Variants in RAD54L observed in about 807,000 individuals in gnomAD.
The protein encoded by RAD54L is DNA repair and recombination protein RAD54-like.
RAD54L carries 74 observed loss-of-function variants against 91.6 expected under a neutral mutation model. The ratio of observed to expected loss-of-function variants is 0.81; its 90% confidence interval spans 0.67 to 0.98. The LOEUF (loss-of-function observed/expected upper bound fraction) is 0.98, where lower values mean the gene tolerates loss of function less well. RAD54L is among the 50% of genes least tolerant of loss of function. The probability of loss-of-function intolerance (pLI) is 0.00; values close to 1 mark genes in which losing one functional copy is unlikely to be tolerated. For synonymous variants in RAD54L, 304 were observed against 349.7 expected (o/e 0.87, Z 1.46); for missense variants, 887 against 945.7 (o/e 0.94, Z 0.81).
intron 16 of RAD54L, chr1:46,277,495 A>C (rs913846427): frequency 2.1e-5 from 9 of 430,964 alleles, no homozygotes; most frequent in Admixed American, 3.6e-5. Context: ...TTATTGAATG[A>C]GTTAGAGTTG....
At chr1:46,264,193 C>G (rs1033620705) in intron 8 of RAD54L, among the ~76,000 whole-genome samples, 2 of 152,254 alleles carry the variant, frequency 1.3e-5, no homozygotes, top group Non-Finnish European at 2.9e-5. Context: ...TCTTATCACA[C>G]TGCAGCCCCT....
Position 46,262,721 on chromosome 1 carries a change from G to A in RAD54L, c.891+1336G>A, listed in dbSNP as rs554934239. On this transcript the variant is annotated intron_variant, in intron 8 of 17. Coordinates refer to ENST00000371975, the MANE Select transcript of RAD54L (RefSeq NM_003579.4). ...GAGGCCACCTGGGGAGAGGCATGGCGTTCTATCTGCAGCTATCTGTTTAGG... is the reference window on the plus strand; with the variant it reads ...GAGGCCACCTGGGGAGAGGCATGGCATTCTATCTGCAGCTATCTGTTTAGG... 1.6e-4 allele frequency among the ~76,000 whole-genome samples: 24 copies of A among 152,138 alleles called. No homozygotes were observed. In the South Asian group the frequency reaches 1.9e-3, roughly 12 times the overall value.
intron 12 of RAD54L, 140 bp from the exon 13 acceptor site, chr1:46,273,215 G>C: frequency 1.2e-6 from 1 of 800,828 alleles, no homozygotes; most frequent in East Asian, 2.4e-5. Context: ...TATCCTGTTG[G>C]AATTTGGTAG....
At chr1:46,264,964 C>G (rs2148292676) in intron 8 of RAD54L, among the ~76,000 whole-genome samples, 1 of 152,268 alleles carries the variant, frequency 6.6e-6, no homozygotes, top group Middle Eastern at 3.4e-3. Flanking sequence ...ATTTCATTCG[C>G]TGGGTTATTT....
chr1:46,254,260 C>G (rs1371892262), intron 3 of RAD54L, among the ~76,000 whole-genome samples: 2 of 151,860 alleles, frequency 1.3e-5, no homozygotes, highest in Non-Finnish European at 2.9e-5. Flanking sequence ...CAGGTGTGAG[C>G]TGCTGCATCT....
intron 15 of RAD54L, 152 bp from the exon 16 acceptor site, chr1:46,274,386 T>C: frequency 8.0e-7 from 1 of 1,243,332 alleles, no homozygotes; most frequent in East Asian, 2.3e-5. Context: ...ACTGTGTGTG[T>C]TGGGATTGGC....
At chr1:46,266,503 C>T (rs1260230883) in intron 8 of RAD54L, among the ~76,000 whole-genome samples, 1 of 152,116 alleles carries the variant, frequency 6.6e-6, no homozygotes, top group Non-Finnish European at 1.5e-5. Context: ...GGAAGGTTGT[C>T]CTTTATGATT....
chr1:46,270,899 G>A, intron 10 of RAD54L, 114 bp downstream of exon 10: 1 of 1,428,606 alleles, frequency 7.0e-7, no homozygotes, highest in Admixed American at 1.8e-5. Flanking sequence ...GAAGGGAGTG[G>A]GTTCTGTGTC....
chr1:46,277,609 G>A (rs1332556746), intron 16 of RAD54L: 4 of 623,348 alleles, frequency 6.4e-6, no homozygotes, highest in Middle Eastern at 4.3e-4. Flanking sequence ...AGTAGCCTGG[G>A]TGGGCAGACT....
At chr1:46,270,052 G>A (rs892371388) in intron 9 of RAD54L, among the ~76,000 whole-genome samples, 2 of 151,168 alleles carry the variant, frequency 1.3e-5, no homozygotes, top group Middle Eastern at 3.2e-3. Context: ...CAGCCTGGGC[G>A]ACAGGGAGAG....
At position 46,248,192 on chromosome 1, in the gene RAD54L, C is replaced by T; in HGVS notation, c.-214C>T. On this transcript the variant is annotated 5_prime_UTR_variant, in exon 1 of 18. Coordinates refer to ENST00000371975, the MANE Select transcript of RAD54L (RefSeq NM_003579.4). ...TCCTCTTTGGCCTAATCTCTCGTCTCGGCTTATTGGGGACGGCCACTCTCA... is the reference window on the plus strand; with the variant it reads ...TCCTCTTTGGCCTAATCTCTCGTCTTGGCTTATTGGGGACGGCCACTCTCA... 1.5e-6 allele frequency: 1 copy of T among 675,156 alleles called. No individual in the cohort carries two copies. Among genetic ancestry groups the T allele is most frequent in the Non-Finnish European group, 2.7e-6 (1 of 372,972 alleles). The allele number at this position is 675,156 out of a possible 1,614,324, so 41.8% of individuals were successfully genotyped here. A position where few individuals can be genotyped will look rare whatever the true frequency, so the allele number is the denominator to read the frequency against.
rs762327493 is a variant in RAD54L, at chr1:46,277,930, G to A, written c.1983G>A (p.Leu661=). 7 of 1,614,130 alleles carry A rather than the reference G, an allele frequency of 4.3e-6. No homozygotes were observed. Among genetic ancestry groups the A allele is most frequent in the Middle Eastern group, 1.7e-4 (1 of 6,058 alleles). ...AGCGCCACTTCTCTCTGGGCGAGTT[G>A]AAGGAGCTGTTTATCCTGGATGAAG... ...DVERHFSLGE[L]KELFILDEAS... Residue 661 remains leucine (L), a synonymous_variant, in exon 17 of 18, where the codon TTG becomes TTA. Coordinates refer to ENST00000371975, the MANE Select transcript of RAD54L (RefSeq NM_003579.4).
chr1:46,268,523 C>G (rs1313566250), intron 9 of RAD54L, among the ~76,000 whole-genome samples: 1 of 152,192 alleles, frequency 6.6e-6, no homozygotes, highest in East Asian at 1.9e-4. Context: ...ACTCTCTCAG[C>G]AGCCCCTTTT....
chr1:46,261,087 A>G, intron 7 of RAD54L, 72 bp downstream of exon 7: 1 of 1,575,056 alleles, frequency 6.3e-7, no homozygotes, highest in Non-Finnish European at 8.6e-7. Flanking sequence ...ATGCTCATTT[A>G]TGGCCAGGGT....
rs781376005 is a variant in RAD54L at position 46,274,179 on chromosome 1, A to G, written c.1652A>G (p.Lys551Arg). The G allele has an allele frequency of 6.2e-7, 1 of 1,613,964 alleles. No individual in the cohort carries two copies. The highest frequency in any genetic ancestry group is 1.3e-5 in the African/African-American group (1 of 74,926). The change falls in exon 15 of 18, where the codon AAG (lysine) becomes AGG (arginine). Residue 551 changes from lysine (K) to arginine (R), a missense_variant. Coordinates refer to ENST00000371975, the MANE Select transcript of RAD54L (RefSeq NM_003579.4). Reference sequence around the variant, plus strand: ...CTGGATGGCACGATGTCCATTAAGAAGCGAGCCAAGGTTGTAGAACGCTTC... The same window carrying G: ...CTGGATGGCACGATGTCCATTAAGAGGCGAGCCAAGGTTGTAGAACGCTTC... ...VRLDGTMSIK[K>R]RAKVVERFNS...
chr1:46,253,204 T>C (rs1659848071), intron 3 of RAD54L, among the ~76,000 whole-genome samples: 1 of 152,252 alleles, frequency 6.6e-6, no homozygotes, highest in African/African-American at 2.4e-5. Flanking sequence ...AAATCCATTG[T>C]CCAGAAGATA....
At chr1:46,273,486 AT>A in intron 13 of RAD54L, 21 bp downstream of exon 13, 1 of 1,610,184 alleles carries the variant, frequency 6.2e-7, no homozygotes, top group Admixed American at 1.7e-5. Flanking sequence ...TCCTACCAGT[AT>A]TTGGGCTTCT....
At chr1:46,260,459 T>C in intron 5 of RAD54L, 83 bp from the exon 6 acceptor site, 12 of 1,379,834 alleles carry the variant, frequency 8.7e-6, no homozygotes, top group Non-Finnish European at 1.2e-5. Context: ...CTCTGTTGCC[T>C]CCGGATCAGC....
Position 46,273,662 on chromosome 1 carries a change from C to G in RAD54L, c.1525C>G (p.Arg509Gly). Residue 509 changes from arginine (R) to glycine (G), a missense_variant, in exon 14 of 18, where the codon CGA becomes GGA. By Grantham distance (125) the Arg-to-Gly change is moderately radical. Transcript: ENST00000371975. Reference protein sequence around the residue: ...LVLDYILAVTRSRSSDKVVLV... With the variant: ...LVLDYILAVTGSRSSDKVVLV... ...CCTGGATTATATTCTGGCGGTGACC[C>G]GAAGCCGTAGCAGTGACAAAGTAGT... 1 of 1,613,916 alleles carries G rather than the reference C, an allele frequency of 6.2e-7. No individual in the cohort carries two copies. Among genetic ancestry groups the G allele is most frequent in the Non-Finnish European group, 8.5e-7 (1 of 1,180,000 alleles).
Sources: gnomAD v4.1 joint callset for allele counts (sites outside exome capture counted in the v4.1 genomes callset) on GRCh38, gnomAD v4.1.1 for gene constraint, MANE v1.5 for transcripts, NCBI Gene and HGNC (gene_info 2026-07-23, HGNC 2026-07-21) for gene names.